The following EPHA10 variants were observed in gnomAD, a reference collection of about 807,000 sequenced individuals.
EPHA10 encodes the protein ephrin type-A receptor 10.
EPHA10 carries 120 observed loss-of-function variants against 109.7 expected under a neutral mutation model. The observed-to-expected ratio is 1.09, with a 90% CI of 0.94 to 1.27. EPHA10 has a LOEUF of 1.27. EPHA10 is among the 50% of genes most tolerant of loss of function. The probability of loss-of-function intolerance (pLI) is 0.00; values close to 1 mark genes in which losing one functional copy is unlikely to be tolerated. For synonymous variants in EPHA10, 640 were observed against 618.9 expected (o/e 1.03, Z -0.51); for missense variants, 1,396 against 1,411.1 (o/e 0.99, Z 0.17).
chr1:37,740,990 G>A (rs1471314389), intron 5 of EPHA10, among the ~76,000 whole-genome samples: 1 of 152,176 alleles, frequency 6.6e-6, no homozygotes, highest in Non-Finnish European at 1.5e-5. Context: ...GAGCCAGAGA[G>A]GCAGGAGGAA....
intron 5 of EPHA10, among the ~76,000 whole-genome samples, chr1:37,737,746 G>A (rs960532889): frequency 6.6e-6 from 1 of 152,134 alleles, no homozygotes; most frequent in Non-Finnish European, 1.5e-5. Context: ...CAGCAAAAAC[G>A]AAAATAGACA....
rs1399463322 is a variant in EPHA10 at position 37,761,485 on chromosome 1, C to T, written c.770G>A (p.Gly257Asp). 6.2e-7 allele frequency: 1 copy of T among 1,600,630 alleles called. No homozygotes were observed. Among genetic ancestry groups the T allele is most frequent in the African/African-American group, 1.3e-5 (1 of 75,048 alleles). The change falls in exon 3 of 17, where the codon GGC becomes GAC. Residue 257 changes from glycine (G) to aspartate (D), a missense_variant. Gly to Asp is a moderately conservative substitution (Grantham distance 94). Transcript: ENST00000373048. ...AGGCACCAGCCACTCGCCGTCGGCG[C>T]CGCAGTGCATGCGTGGGGGGCTGCC... ...EPGSPPRMHC[G>D]ADGEWLVPVG... is the part of the protein sequence containing the mutation.
intron 5 of EPHA10, among the ~76,000 whole-genome samples, chr1:37,744,355 C>CA (rs59431284): frequency 0.021 from 2,645 of 123,268 alleles, 32 homozygotes; most frequent in African/African-American, 0.037. Context: ...ACTAAAAATA[C>CA]AAAAAAAAAA....
At chr1:37,761,184 C>T in intron 3 of EPHA10, 1 of 1,456,976 alleles carries the variant, frequency 6.9e-7, no homozygotes, top group East Asian at 2.5e-5. Context: ...TCCCTAATGC[C>T]TCCTTAGCCA....
intron 5 of EPHA10, among the ~76,000 whole-genome samples, chr1:37,736,371 G>C (rs1646070501): frequency 6.6e-6 from 1 of 151,966 alleles, no homozygotes; most frequent in Non-Finnish European, 1.5e-5. Context: ...CAGCTACTTG[G>C]GAGGCTGAGG....
In EPHA10 at chr1:37,754,383, G is replaced by C; in HGVS notation, c.851-13C>G. ...CCTGGGGGACAGGCTGCAGGGCATGGCTGGTGAGAAGAGGGGGCTCCTCCA... is the reference window on the plus strand; with the variant it reads ...CCTGGGGGACAGGCTGCAGGGCATGCCTGGTGAGAAGAGGGGGCTCCTCCA... On this transcript the variant is annotated splice_polypyrimidine_tract_variant and intron_variant, in intron 3 of 16. Transcript: ENST00000373048. The surrounding 1 kb of genome is among the most constrained non-coding windows in gnomAD (Gnocchi z 4.5). 1 of 1,294,816 alleles carries C rather than the reference G, an allele frequency of 7.7e-7. No homozygotes were observed. The highest frequency in any genetic ancestry group is 9.8e-7 in the Non-Finnish European group (1 of 1,016,406). 80.2% of individuals were successfully genotyped at this position (1,294,816 alleles called of 1,614,324 possible). A position where few individuals can be genotyped will look rare whatever the true frequency, so the allele number is the denominator to read the frequency against.
At chr1:37,721,504 G>A (rs905089801) in intron 11 of EPHA10, among the ~76,000 whole-genome samples, 156 bp downstream of exon 11, 2 of 151,972 alleles carry the variant, frequency 1.3e-5, no homozygotes, top group Admixed American at 6.6e-5. Context: ...GAGAAGGGCC[G>A]CCTTGAGTCA....
chr1:37,729,219 C>T (rs1412838466), intron 7 of EPHA10, among the ~76,000 whole-genome samples: 2 of 152,116 alleles, frequency 1.3e-5, no homozygotes, highest in Non-Finnish European at 1.5e-5. Context: ...AGCTAAGCCC[C>T]GAGATGATCA....
chr1:37,757,102 C>T (rs1430826227), intron 3 of EPHA10, among the ~76,000 whole-genome samples: 2 of 152,140 alleles, frequency 1.3e-5, no homozygotes, highest in African/African-American at 4.8e-5. Context: ...GCTGGGATTA[C>T]AGGTGTGAGC....
At chr1:37,744,355 C>CAA (rs59431284) in intron 5 of EPHA10, among the ~76,000 whole-genome samples, 4 of 123,354 alleles carry the variant, frequency 3.2e-5, no homozygotes, top group Non-Finnish European at 3.5e-5. Flanking sequence ...ACTAAAAATA[C>CAA]AAAAAAAAAA....
chr1:37,721,225 C>T (rs1010938159), intron 11 of EPHA10, among the ~76,000 whole-genome samples: 2 of 149,314 alleles, frequency 1.3e-5, no homozygotes, highest in Non-Finnish European at 3.0e-5. Flanking sequence ...CAAGACCATC[C>T]TGGCTAACAT....
chr1:37,754,861 G>A lies in EPHA10; in HGVS notation c.851-491C>T, dbSNP rs1280713848. Among the ~76,000 whole-genome samples the A allele has an allele frequency of 6.6e-6, 1 of 151,766 alleles. No homozygotes were observed. The highest frequency in any genetic ancestry group is 1.9e-4 in the East Asian group (1 of 5,188). On this transcript the variant is annotated intron_variant, in intron 3 of 16. Transcript: ENST00000373048. This position sits in a 1 kb window ranked among gnomAD's most constrained non-coding sequence, Gnocchi z 4.5. ...CACCCAGGCTGGAGTGCAGTGGCGGGATCTCCACTCACTGCAACCCCCACC... is the reference window on the plus strand; with the variant it reads ...CACCCAGGCTGGAGTGCAGTGGCGGAATCTCCACTCACTGCAACCCCCACC...
chr1:37,736,063 C>G, intron 5 of EPHA10, among the ~76,000 whole-genome samples: 1 of 152,222 alleles, frequency 6.6e-6, no homozygotes, highest in East Asian at 1.9e-4. Flanking sequence ...AAATTTATCT[C>G]TGTTTACAGA....
chr1:37,744,936 A>C lies in EPHA10; in HGVS notation c.1357+7940T>G, dbSNP rs189425311. On this transcript the variant is annotated intron_variant, in intron 5 of 16. Transcript: ENST00000373048. ...TGACTGGCATCTTCATGAAAAGAAGAATTTGAACACAGAGAAAAACACCTA... is the reference window on the plus strand; with the variant it reads ...TGACTGGCATCTTCATGAAAAGAAGCATTTGAACACAGAGAAAAACACCTA... Among the ~76,000 whole-genome samples the C allele has an allele frequency of 1.9e-3, 286 of 152,324 alleles. 3 individuals are homozygous for C. The highest frequency in any genetic ancestry group is 6.7e-3 in the East Asian group (35 of 5,190).
chr1:37,750,192 T>A (rs9724662), intron 5 of EPHA10, among the ~76,000 whole-genome samples: 2 of 152,348 alleles, frequency 1.3e-5, no homozygotes, highest in African/African-American at 2.4e-5. Context: ...ACTGAATTTT[T>A]AAAAATGTGA....
At chr1:37,762,737 G>C in intron 2 of EPHA10, 48 bp downstream of exon 2, 1 of 1,505,374 alleles carries the variant, frequency 6.6e-7, no homozygotes, top group African/African-American at 1.4e-5. Context: ...ACTGTGTCCT[G>C]GACCACCAGA....
chr1:37,732,050 A>C (rs1295293114), intron 6 of EPHA10, among the ~76,000 whole-genome samples: 2 of 152,230 alleles, frequency 1.3e-5, no homozygotes, highest in Non-Finnish European at 2.9e-5. Flanking sequence ...ACTGTCCTGC[A>C]AGGCTCAGAG....
In EPHA10 at chr1:37,752,879, C is replaced by T. The variant is rs1457907826; in HGVS notation, c.1354G>A (p.Gly452Arg). ...TGGGGGGCGCGGACGGCCTTACCCCCGGGCCCGGTGGAGACGGTGACCTGC... is the reference window on the plus strand; with the variant it reads ...TGGGGGGCGCGGACGGCCTTACCCCTGGGCCCGGTGGAGACGGTGACCTGC... ...YAQVTVSTGPGAPWEEDEIRR... is the reference protein window; with the variant it reads ...YAQVTVSTGPRAPWEEDEIRR... The change falls in exon 5 of 17, where the codon GGG becomes AGG. Residue 452 changes from glycine (G) to arginine (R), a missense_variant. Transcript: ENST00000373048. 2 of 1,290,896 alleles carry T rather than the reference C, an allele frequency of 1.5e-6. No homozygotes were observed. Among genetic ancestry groups the T allele is most frequent in the Non-Finnish European group, 2.0e-6 (2 of 1,022,820 alleles). The allele number at this position is 1,290,896 out of a possible 1,614,324, so 80.0% of individuals were successfully genotyped here. A position where few individuals can be genotyped will look rare whatever the true frequency, so the allele number is the denominator to read the frequency against.
intron 6 of EPHA10, 73 bp from the exon 7 acceptor site, chr1:37,731,655 A>G (rs1472451117): frequency 6.8e-7 from 1 of 1,463,180 alleles, no homozygotes; most frequent in Middle Eastern, 2.3e-4. Context: ...GGTGAACAGG[A>G]ACAGGGAGGC....
Sources: gnomAD v4.1 joint callset for allele counts (sites outside exome capture counted in the v4.1 genomes callset) on GRCh38, gnomAD v4.1.1 for gene constraint, Gnocchi (gnomAD v3.1) non-coding constraint, MANE v1.5 for transcripts, NCBI Gene and HGNC (gene_info 2026-07-23, HGNC 2026-07-21) for gene names.